The following CCDC7 variants were observed in gnomAD, a reference collection of about 807,000 sequenced individuals.
The protein encoded by CCDC7 is coiled-coil domain-containing protein 7.
In CCDC7, 183 loss-of-function variants were observed where a neutral mutation model predicts 196.9. The ratio of observed to expected loss-of-function variants is 0.93; its 90% CI spans 0.82 to 1.05. The LOEUF (loss-of-function observed/expected upper bound fraction) is 1.05. Ranked by LOEUF, CCDC7 falls within the 50% of genes least tolerant of loss-of-function variation. CCDC7 has a pLI of 0.00. For missense variants in CCDC7, 1,540 were observed against 1,482.2 expected (o/e 1.04, Z -0.64); for synonymous variants, 525 against 484.6 (o/e 1.08, Z -1.10).
chr10:32,600,042 T>G (rs1204059727), intron 18 of CCDC7, among the ~76,000 whole-genome samples: 2 of 152,070 alleles, frequency 1.3e-5, no homozygotes, highest in Non-Finnish European at 2.9e-5. Flanking sequence ...GTTTTGGTTA[T>G]TATAACTTTG....
At chr10:32,770,964 G>A (rs2079073436) in intron 28 of CCDC7, among the ~76,000 whole-genome samples, 1 of 151,980 alleles carries the variant, frequency 6.6e-6, no homozygotes, top group African/African-American at 2.4e-5. Flanking sequence ...TTTTCCTTGA[G>A]TTTATATGAA....
intron 29 of CCDC7, among the ~76,000 whole-genome samples, chr10:32,787,207 A>G (rs1483826562): frequency 6.6e-6 from 1 of 152,120 alleles, no homozygotes; most frequent in African/African-American, 2.4e-5. Context: ...TTTAAAACTA[A>G]CCAAACTCCA....
intron 20 of CCDC7, among the ~76,000 whole-genome samples, chr10:32,662,074 C>T (rs1005658295): frequency 7.2e-5 from 11 of 152,146 alleles, no homozygotes; most frequent in African/African-American, 2.7e-4. Context: ...TTTGGCCTCT[C>T]TCCATAGGTG....
At chr10:32,765,029 A>T (rs2078049469) in intron 28 of CCDC7, among the ~76,000 whole-genome samples, 1 of 152,006 alleles carries the variant, frequency 6.6e-6, no homozygotes, top group African/African-American at 2.4e-5. Context: ...TAAGCAGAAG[A>T]GTTCTAGATC....
At chr10:32,485,457 A>G (rs1285575067) in intron 8 of CCDC7, among the ~76,000 whole-genome samples, 1 of 152,124 alleles carries the variant, frequency 6.6e-6, no homozygotes, top group African/African-American at 2.4e-5. Flanking sequence ...TCCTGGATTC[A>G]TTGAATTTTT....
intron 28 of CCDC7, among the ~76,000 whole-genome samples, chr10:32,760,582 C>A (rs2133833302): frequency 6.6e-6 from 1 of 152,080 alleles, no homozygotes; most frequent in South Asian, 2.1e-4. Context: ...ACATCACACA[C>A]TGGGGCCTGT....
intron 27 of CCDC7, 30 bp from the exon 29 acceptor site, chr10:32,729,302 T>C (rs2083565759): frequency 6.5e-7 from 1 of 1,527,300 alleles, no homozygotes; most frequent in African/African-American, 1.4e-5. Context: ...ATCCAGAAGT[T>C]CTATTGCACA....
intron 25 of CCDC7, among the ~76,000 whole-genome samples, chr10:32,714,359 G>A (rs901651581): frequency 2.0e-5 from 3 of 152,188 alleles, no homozygotes; most frequent in African/African-American, 7.2e-5. Flanking sequence ...GAGGGACAGT[G>A]CCATCTGGCC....
chr10:32,533,316 A>C (rs1389572985), intron 11 of CCDC7, among the ~76,000 whole-genome samples: 1 of 150,274 alleles, frequency 6.7e-6, no homozygotes, highest in East Asian at 2.0e-4. Context: ...ATTTTGACTA[A>C]GTTGTCTCAA....
chr10:32,802,141 A>G (rs988028709), intron 29 of CCDC7, among the ~76,000 whole-genome samples: 11 of 152,140 alleles, frequency 7.2e-5, no homozygotes, highest in African/African-American at 2.4e-4. Flanking sequence ...ACCTTAGAAG[A>G]TTTGAGGCTT....
At chr10:32,677,443 T>G (rs1483312525) in intron 21 of CCDC7, among the ~76,000 whole-genome samples, 1 of 152,178 alleles carries the variant, frequency 6.6e-6, no homozygotes, top group African/African-American at 2.4e-5. Context: ...AAATTTTTGT[T>G]TGTCTGGAAA....
chr10:32,485,458 T>C (rs1322400714), intron 8 of CCDC7, among the ~76,000 whole-genome samples: 3 of 152,232 alleles, frequency 2.0e-5, no homozygotes, highest in Admixed American at 6.5e-5. Context: ...CCTGGATTCA[T>C]TGAATTTTTG....
At chr10:32,475,963 G>A (rs2038892963) in intron 8 of CCDC7, among the ~76,000 whole-genome samples, 1 of 152,122 alleles carries the variant, frequency 6.6e-6, no homozygotes, top group Non-Finnish European at 1.5e-5. Context: ...TCCCATTAGT[G>A]CAGTCCCCCC....
At chr10:32,714,715 G>A (rs553239770) in intron 25 of CCDC7, among the ~76,000 whole-genome samples, 1 of 152,238 alleles carries the variant, frequency 6.6e-6, no homozygotes, top group South Asian at 2.1e-4. Flanking sequence ...GTGGGGGGAG[G>A]GGTGTCGCCA....
At chr10:32,600,750 G>A (rs1268459801) in intron 18 of CCDC7, among the ~76,000 whole-genome samples, 1 of 152,130 alleles carries the variant, frequency 6.6e-6, no homozygotes, top group African/African-American at 2.4e-5. Context: ...GAAGTAAAAA[G>A]TGATGTTACA....
chr10:32,584,570 A>G (rs1395337311), intron 18 of CCDC7, among the ~76,000 whole-genome samples: 6 of 151,744 alleles, frequency 4.0e-5, no homozygotes, highest in Non-Finnish European at 7.4e-5. Flanking sequence ...AGCCTAACCA[A>G]CATGATGAAA....
intron 25 of CCDC7, among the ~76,000 whole-genome samples, chr10:32,712,126 C>G (rs2080939830): frequency 6.6e-6 from 1 of 152,102 alleles, no homozygotes; most frequent in South Asian, 2.1e-4. Flanking sequence ...GGTACAAGGG[C>G]AGCCAGGGTG....
At chr10:32,621,243 A>G (rs2063374674) in intron 18 of CCDC7, among the ~76,000 whole-genome samples, 1 of 152,156 alleles carries the variant, frequency 6.6e-6, no homozygotes, top group Non-Finnish European at 1.5e-5. Context: ...ATACTTCCTT[A>G]CCTTATGCTT....
chr10:32,807,801 G>A (rs954697570), intron 30 of CCDC7, among the ~76,000 whole-genome samples: 1 of 151,920 alleles, frequency 6.6e-6, no homozygotes, highest in Non-Finnish European at 1.5e-5. Context: ...ATGCAGCATA[G>A]TGCCTTTTTT....
Sources: allele counts gnomAD v4.1 joint callset (sites outside exome capture counted in the v4.1 genomes callset), GRCh38; gene constraint gnomAD v4.1.1; transcripts MANE v1.5; gene names NCBI Gene and HGNC (gene_info 2026-07-23, HGNC 2026-07-21).